Variants in CNTN4 observed in about 807,000 individuals in gnomAD.
CNTN4 encodes contactin 4, also known as contactin-4.
CNTN4 carries 77 observed loss-of-function variants against 122.5 expected under a neutral mutation model. The observed-to-expected ratio is 0.63, with a 90% CI of 0.52 to 0.76. The LOEUF (loss-of-function observed/expected upper bound fraction) is 0.76. Among genes scored for constraint, CNTN4 ranks in the 30% least tolerant of loss-of-function variants. CNTN4 has a pLI of 0.00. For synonymous variants in CNTN4, 512 were observed against 447.0 expected, an observed-to-expected ratio of 1.15 and a Z score of -1.83; for missense variants, 1,256 against 1,259.1, an observed-to-expected ratio of 1.00 and a Z score of 0.04.
chr3:2,828,277 C>T (rs947503233), intron 7 of CNTN4, among the ~76,000 whole-genome samples: 6 of 151,988 alleles, frequency 3.9e-5, no homozygotes, highest in Admixed American at 6.6e-5. Context: ...ATTTTGATAC[C>T]AATTTCATGT....
chr3:2,895,784 C>T (rs182022126), intron 10 of CNTN4, among the ~76,000 whole-genome samples: 8 of 152,230 alleles, frequency 5.3e-5, no homozygotes. Flanking sequence ...CCTGTCATCC[C>T]AGCACTTTGG....
chr3:2,724,758 A>T (rs1462049363), intron 4 of CNTN4, among the ~76,000 whole-genome samples: 2 of 152,180 alleles, frequency 1.3e-5, no homozygotes, highest in African/African-American at 2.4e-5. Context: ...GTCACTGGGG[A>T]GTTAAAAACA....
At chr3:2,614,778 A>T (rs2081643136) in intron 4 of CNTN4, among the ~76,000 whole-genome samples, 1 of 152,084 alleles carries the variant, frequency 6.6e-6, no homozygotes, top group Admixed American at 6.6e-5. Flanking sequence ...GATGCCAGAT[A>T]AACAGTTGGA....
At chr3:2,588,500 G>T (rs2080312071) in intron 4 of CNTN4, among the ~76,000 whole-genome samples, 1 of 151,914 alleles carries the variant, frequency 6.6e-6, no homozygotes, top group African/African-American at 2.4e-5. Flanking sequence ...CAAGTAGCTG[G>T]GATTATAGGC....
At chr3:2,315,501 G>A (rs2043065682) in intron 2 of CNTN4, among the ~76,000 whole-genome samples, 1 of 151,764 alleles carries the variant, frequency 6.6e-6, no homozygotes, top group Admixed American at 6.6e-5. Flanking sequence ...TTAATGGTGG[G>A]CTTACGAGAT....
At chr3:3,015,026 T>G (rs1268222924) in intron 14 of CNTN4, among the ~76,000 whole-genome samples, 1 of 152,044 alleles carries the variant, frequency 6.6e-6, no homozygotes, top group Non-Finnish European at 1.5e-5. Flanking sequence ...AGTTTTCCAA[T>G]GATTTGCCTC....
intron 4 of CNTN4, among the ~76,000 whole-genome samples, chr3:2,609,933 A>G (rs987040752): frequency 5.3e-5 from 8 of 152,142 alleles, no homozygotes; most frequent in Admixed American, 5.2e-4. Context: ...CTTCACCTTA[A>G]TTTTGAATAC....
intron 2 of CNTN4, among the ~76,000 whole-genome samples, chr3:2,197,501 C>T (rs1170773635): frequency 6.6e-6 from 1 of 152,094 alleles, no homozygotes; most frequent in Non-Finnish European, 1.5e-5. Context: ...CAATATAATC[C>T]TGTGGGGATA....
chr3:2,566,071 T>G (rs1291542243), intron 3 of CNTN4, among the ~76,000 whole-genome samples: 1 of 152,240 alleles, frequency 6.6e-6, no homozygotes, highest in Non-Finnish European at 1.5e-5. Flanking sequence ...CTCTGAAACC[T>G]GTGCTATCCT....
intron 2 of CNTN4, among the ~76,000 whole-genome samples, chr3:2,159,533 G>A (rs1206384295): frequency 6.6e-6 from 1 of 152,166 alleles, no homozygotes; most frequent in Non-Finnish European, 1.5e-5. Context: ...TTGGCTTTGA[G>A]ACAGTTGCCA....
At chr3:2,593,777 A>T (rs976307092) in intron 4 of CNTN4, among the ~76,000 whole-genome samples, 1 of 152,296 alleles carries the variant, frequency 6.6e-6, no homozygotes, top group Non-Finnish European at 1.5e-5. Context: ...AAAGTATCTG[A>T]TAAAAAACTA....
At chr3:2,121,417 G>T (rs768846437) in intron 2 of CNTN4, among the ~76,000 whole-genome samples, 17 of 151,188 alleles carry the variant, frequency 1.1e-4, no homozygotes, top group Non-Finnish European at 2.2e-4. Context: ...AGAATCGCTT[G>T]AACCTGGGAG....
chr3:2,185,328 C>T (rs912684468), intron 2 of CNTN4, among the ~76,000 whole-genome samples: 4 of 152,136 alleles, frequency 2.6e-5, no homozygotes, highest in African/African-American at 9.7e-5. Context: ...AGTGCTTTCC[C>T]TCTAGTGTGT....
chr3:2,841,367 C>G lies in CNTN4; in HGVS notation c.454+21786C>G, dbSNP rs187572394. 6.6e-6 allele frequency among the ~76,000 whole-genome samples: 1 copy of G among 152,152 alleles called. No individual in the cohort carries two copies. Among genetic ancestry groups the G allele is most frequent in the Non-Finnish European group, 1.5e-5 (1 of 68,030 alleles). Reference sequence around the variant, plus strand: ...TTATATCCTACAATCACTCATATATCTTTATTTTTCCAACTCTACCATCAC... The same window carrying G: ...TTATATCCTACAATCACTCATATATGTTTATTTTTCCAACTCTACCATCAC... On this transcript the variant is annotated intron_variant, in intron 7 of 24. Coordinates refer to ENST00000418658, the MANE Select transcript of CNTN4 (RefSeq NM_175607.3). This position sits in a 1 kb window ranked among gnomAD's most constrained non-coding sequence, Gnocchi z 4.8.
At chr3:2,813,537 T>C (rs1263074502) in intron 6 of CNTN4, among the ~76,000 whole-genome samples, 11 of 152,198 alleles carry the variant, frequency 7.2e-5, no homozygotes, top group Admixed American at 4.6e-4. Context: ...TGTGATATTA[T>C]CTCATTAACC....
intron 4 of CNTN4, among the ~76,000 whole-genome samples, chr3:2,698,698 A>G (rs1194202814): frequency 6.6e-6 from 1 of 152,154 alleles, no homozygotes; most frequent in Non-Finnish European, 1.5e-5. Flanking sequence ...CATTCTTTTA[A>G]GATATAAAAA....
At chr3:2,768,062 G>T (rs2090939993) in intron 6 of CNTN4, among the ~76,000 whole-genome samples, 1 of 152,196 alleles carries the variant, frequency 6.6e-6, no homozygotes, top group African/African-American at 2.4e-5. Flanking sequence ...GGTCAGAGTG[G>T]CAGTTAGAGA....
At chr3:2,447,835 T>C (rs2048680561) in intron 3 of CNTN4, among the ~76,000 whole-genome samples, 1 of 152,188 alleles carries the variant, frequency 6.6e-6, no homozygotes. Context: ...ATGCATTATC[T>C]CTTTCAATCC....
intron 3 of CNTN4, among the ~76,000 whole-genome samples, chr3:2,558,027 AAGG>A (rs2078793846): frequency 6.6e-6 from 1 of 152,184 alleles, no homozygotes; most frequent in Non-Finnish European, 1.5e-5. Flanking sequence ...CATATCTTTC[AAGG>A]AGGATAGCTC....
Sources: gnomAD v4.1 joint callset for allele counts (sites outside exome capture counted in the v4.1 genomes callset) on GRCh38, gnomAD v4.1.1 for gene constraint, Gnocchi (gnomAD v3.1) non-coding constraint, MANE v1.5 for transcripts, NCBI Gene and HGNC (gene_info 2026-07-23, HGNC 2026-07-21) for gene names.